The following CLOCK variants were observed in gnomAD, a reference collection of about 807,000 sequenced individuals.
CLOCK encodes clock circadian regulator, also known as circadian locomoter output cycles protein kaput.
CLOCK carries 43 observed loss-of-function variants against 118.4 expected under a neutral mutation model. The observed-to-expected ratio is 0.36, with a 90% CI of 0.28 to 0.47. The LOEUF is 0.47. Among genes scored for constraint, CLOCK ranks in the 20% least tolerant of loss-of-function variants. CLOCK has a pLI of 1.00. For synonymous variants in CLOCK, 326 were observed against 339.2 expected, an observed-to-expected ratio of 0.96 and a Z score of 0.43; for missense variants, 846 against 999.9, an observed-to-expected ratio of 0.85 and a Z score of 2.08.
intron 22 of CLOCK, among the ~76,000 whole-genome samples, chr4:55,437,518 A>G (rs1287456116): frequency 2.6e-5 from 4 of 152,292 alleles, no homozygotes; most frequent in East Asian, 3.9e-4. Context: ...TCACTAAATG[A>G]TATCTGTGTC....
At chr4:55,544,839 TTATA>T (rs1731502126) in intron 1 of CLOCK, among the ~76,000 whole-genome samples, 1 of 152,176 alleles carries the variant, frequency 6.6e-6, no homozygotes, top group Admixed American at 6.5e-5. Context: ...CATAATTTCT[TTATA>T]TAAAGAGCAA....
intron 1 of CLOCK, among the ~76,000 whole-genome samples, chr4:55,536,223 C>A (rs2110102398): frequency 6.6e-6 from 1 of 152,146 alleles, no homozygotes; most frequent in East Asian, 1.9e-4. Flanking sequence ...GAAATGAATG[C>A]CTTAGAAGAC....
At chr4:55,520,226 A>C (rs1025233168) in intron 1 of CLOCK, among the ~76,000 whole-genome samples, 1 of 152,176 alleles carries the variant, frequency 6.6e-6, no homozygotes, top group African/African-American at 2.4e-5. Context: ...ACCAACAAAA[A>C]CAACCTCATA....
chr4:55,438,134 A>G (rs1723038287), intron 22 of CLOCK, 148 bp downstream of exon 22: 1 of 1,108,288 alleles, frequency 9.0e-7, no homozygotes, highest in East Asian at 2.5e-5. Context: ...CGCCAACCAG[A>G]ACAAGCTTTC....
chr4:55,521,109 G>A lies in CLOCK; in HGVS notation c.-289-11044C>T, dbSNP rs1026329709. Among the ~76,000 whole-genome samples the A allele has an allele frequency of 7.9e-5, 12 of 152,074 alleles. 1 individual carries two copies. The highest frequency in any genetic ancestry group is 2.4e-4 in the African/African-American group (10 of 41,404). ...ATTCTTACAAAAGTGCAATTTTAAC[G>A]TTGGTAAAATGGTTTCTTTCTCAAA... On this transcript the variant is annotated intron_variant, in intron 1 of 22. Transcript: ENST00000513440.
At position 55,443,814 on chromosome 4, in the gene CLOCK, A is replaced by AT; in HGVS notation, c.1774_1775insA (p.Leu592HisfsTer14). On this transcript the variant is annotated frameshift_variant, in exon 20 of 23. Coordinates refer to ENST00000513440, the MANE Select transcript of CLOCK (RefSeq NM_004898.4). LOFTEE classifies it high-confidence loss of function. ...TTGGCCTTGCATATTTATAGGTGCAAGTTGCTGGATATTAGATGAATTTCC... is the reference window on the plus strand; with the variant it reads ...TTGGCCTTGCATATTTATAGGTGCAATGTTGCTGGATATTAGATGAATTTCC... The AT allele has an allele frequency of 6.2e-7, 1 of 1,614,058 alleles. No individual in the cohort carries two copies.
chr4:55,467,457 C>T (rs916205590), intron 8 of CLOCK, among the ~76,000 whole-genome samples: 2 of 152,110 alleles, frequency 1.3e-5, no homozygotes, highest in Non-Finnish European at 2.9e-5. Flanking sequence ...TACAAGGTAA[C>T]AGTAGAACAG....
rs762379846 is a variant in CLOCK, at chr4:55,450,096, G to C, written c.1343C>G (p.Pro448Arg). Residue 448 changes from proline (P) to arginine (R), a missense_variant, in exon 16 of 23, where the codon CCT becomes CGT. Physicochemically the swap from Pro to Arg is moderately radical, Grantham distance 103. Transcript: ENST00000513440. ...TTTGAAGCAAGGGTACTCACAGGAA[G>C]GGTCTGAGACGGCCGTGTGAGATGA... Reference protein sequence around the residue: ...RKSSHTAVSDPSSTPTKIPTD... With the variant: ...RKSSHTAVSDRSSTPTKIPTD... 1 of 1,614,144 alleles carries C rather than the reference G, an allele frequency of 6.2e-7. No individual in the cohort carries two copies. The highest frequency in any genetic ancestry group is 1.1e-5 in the South Asian group (1 of 91,072).
At chr4:55,525,286 C>T (rs1299403665) in intron 1 of CLOCK, among the ~76,000 whole-genome samples, 2 of 152,070 alleles carry the variant, frequency 1.3e-5, no homozygotes, top group African/African-American at 4.8e-5. Flanking sequence ...CAGCTTAGGC[C>T]ACATACCCTG....
At chr4:55,489,898 A>C (rs931901340) in intron 2 of CLOCK, among the ~76,000 whole-genome samples, 6 of 152,098 alleles carry the variant, frequency 3.9e-5, no homozygotes, top group Non-Finnish European at 5.9e-5. Flanking sequence ...CTGACACAAG[A>C]AAATGAGAGG....
intron 8 of CLOCK, among the ~76,000 whole-genome samples, chr4:55,466,136 G>C (rs1725723223): frequency 6.6e-6 from 1 of 152,110 alleles, no homozygotes; most frequent in African/African-American, 2.4e-5. Flanking sequence ...TCATGGGAGG[G>C]GCTGAGTGGG....
chr4:55,456,519 G>C (rs1177594153), intron 11 of CLOCK, among the ~76,000 whole-genome samples: 1 of 151,916 alleles, frequency 6.6e-6, no homozygotes, highest in East Asian at 1.9e-4. Context: ...AAAAATAGCA[G>C]GGCACGGTGG....
chr4:55,437,713 C>G (rs963840936), intron 22 of CLOCK, among the ~76,000 whole-genome samples: 1 of 152,140 alleles, frequency 6.6e-6, no homozygotes, highest in Non-Finnish European at 1.5e-5. Context: ...CCAAAGGTCA[C>G]GCAGTACGTG....
intron 1 of CLOCK, among the ~76,000 whole-genome samples, chr4:55,512,130 A>C (rs148864618): frequency 6.6e-6 from 1 of 152,160 alleles, no homozygotes; most frequent in Non-Finnish European, 1.5e-5. Flanking sequence ...TCATATGGTA[A>C]GACTATGTTT....
At position 55,529,502 on chromosome 4, in the gene CLOCK, T is replaced by G. The variant is rs190784050; in HGVS notation, c.-290+17280A>C. Among the ~76,000 whole-genome samples the G allele has an allele frequency of 3.4e-3, 519 of 152,082 alleles. 2 individuals are homozygous for G. The highest frequency in any genetic ancestry group is 0.011 in the African/African-American group (474 of 41,506). ...ATAGATCAAACTGACTTCAAAAAAATCATAGTTTATTCAGGACATAGAAGA... is the reference window on the plus strand; with the variant it reads ...ATAGATCAAACTGACTTCAAAAAAAGCATAGTTTATTCAGGACATAGAAGA... On this transcript the variant is annotated intron_variant, in intron 1 of 22. Transcript: ENST00000513440.
chr4:55,477,913 C>A (rs1726632512), intron 6 of CLOCK, among the ~76,000 whole-genome samples: 1 of 151,884 alleles, frequency 6.6e-6, no homozygotes, highest in African/African-American at 2.4e-5. Context: ...TGTACAGATG[C>A]AGAAGAAGAT....
intron 1 of CLOCK, among the ~76,000 whole-genome samples, chr4:55,512,500 T>C (rs1280386724): frequency 6.6e-6 from 1 of 152,194 alleles, no homozygotes; most frequent in Non-Finnish European, 1.5e-5. Context: ...CAAATATGTC[T>C]TTTGCAAATA....
intron 1 of CLOCK, among the ~76,000 whole-genome samples, chr4:55,533,310 C>T (rs957717189): frequency 2.0e-5 from 3 of 152,080 alleles, no homozygotes; most frequent in African/African-American, 2.4e-5. Flanking sequence ...CAGAAATAAA[C>T]GCTCGCACAT....
chr4:55,448,597 C>CGCGT (rs1560421201), intron 18 of CLOCK, among the ~76,000 whole-genome samples, 182 bp downstream of exon 18: 1 of 72,922 alleles, frequency 1.4e-5, no homozygotes, highest in Non-Finnish European at 2.5e-5. Context: ...CGCGCGCACG[C>CGCGT]GCGCGTGTGT....
Sources: allele counts gnomAD v4.1 joint callset (sites outside exome capture counted in the v4.1 genomes callset), GRCh38; gene constraint gnomAD v4.1.1; transcripts MANE v1.5; gene names NCBI Gene and HGNC (gene_info 2026-07-23, HGNC 2026-07-21).